DOT1L: variants seen among roughly 807,000 people sequenced by gnomAD.
DOT1L encodes the protein DOT1 like histone lysine methyltransferase.
DOT1L carries 33 observed loss-of-function variants against 153.3 expected under a neutral mutation model. The ratio of observed to expected loss-of-function variants is 0.22; its 90% CI spans 0.16 to 0.29. The LOEUF (loss-of-function observed/expected upper bound fraction) is 0.29. Ranked by LOEUF, DOT1L falls within the 10% of genes least tolerant of loss-of-function variation. The probability of loss-of-function intolerance (pLI) is 1.00; values close to 1 mark genes in which losing one functional copy is unlikely to be tolerated. For synonymous variants in DOT1L, 1,135 were observed against 965.1 expected, an observed-to-expected ratio of 1.18 and a Z score of -3.26; for missense variants, 1,847 against 2,119.9, an observed-to-expected ratio of 0.87 and a Z score of 2.53.
At chr19:2,206,489 T>G (rs1319592450) in intron 9 of DOT1L, among the ~76,000 whole-genome samples, 11 of 115,210 alleles carry the variant, frequency 9.5e-5, no homozygotes, top group African/African-American at 1.7e-4. Context: ...ACCAGGGAGG[T>G]GGAGGTTGCA....
At position 2,164,132 on chromosome 19, in the gene DOT1L, C is replaced by T. The variant is rs1276218003; in HGVS notation, c.-53C>T. 11 of 1,001,930 alleles carry T rather than the reference C, an allele frequency of 1.1e-5. No homozygotes were observed. Among genetic ancestry groups the T allele is most frequent in the Non-Finnish European group, 1.2e-5 (10 of 811,222 alleles). The allele number at this position is 1,001,930 out of a possible 1,614,324, so 62.1% of individuals were successfully genotyped here. ...GCCCTCCTCCGCCCACCGGCGGCCC[C>T]GCCCCTCCCCCAACCGCCCGCCTAG... On this transcript the variant is annotated 5_prime_UTR_variant, in exon 1 of 28. Transcript: ENST00000398665.
At position 2,191,953 on chromosome 19, in the gene DOT1L, C is replaced by T. The variant is rs916627018; in HGVS notation, c.493+713C>T. ...GAAGCACAGATGAGCGGCCCGTACA[C>T]GAACAGCCTCAGTAGCCTGACGAAT... On this transcript the variant is annotated intron_variant, in intron 5 of 27. Coordinates refer to ENST00000398665, the MANE Select transcript of DOT1L (RefSeq NM_032482.3). This position sits in a 1 kb window ranked among gnomAD's most constrained non-coding sequence, Gnocchi z 6.8. 5.3e-5 allele frequency among the ~76,000 whole-genome samples: 8 copies of T among 152,212 alleles called. No individual in the cohort carries two copies. The highest frequency in any genetic ancestry group is 8.8e-5 in the Non-Finnish European group (6 of 68,038).
At position 2,197,342 on chromosome 19, in the gene DOT1L, G is replaced by A. The variant is rs2144768583; in HGVS notation, c.652-2542G>A. Among the ~76,000 whole-genome samples, 1 of 152,360 alleles carries A rather than the reference G, an allele frequency of 6.6e-6. No individual in the cohort carries two copies. The highest frequency in any genetic ancestry group is 1.9e-4 in the East Asian group (1 of 5,188). On this transcript the variant is annotated intron_variant, in intron 7 of 27. Coordinates refer to ENST00000398665, the MANE Select transcript of DOT1L (RefSeq NM_032482.3). This position sits in a 1 kb window ranked among gnomAD's most constrained non-coding sequence, Gnocchi z 4.1. The stretch of plus-strand genomic sequence containing the variant: ...GAAGTTCCCACATGGGTTCCTGGCT[G>A]TGGCAGGCGAGCCACACAGATCCCA...
chr19:2,227,544 C>A, intron 27 of DOT1L: 1 of 609,776 alleles, frequency 1.6e-6, no homozygotes, highest in Non-Finnish European at 2.5e-6. Context: ...GGCCCTGGGG[C>A]TGCTGCGGGG....
At position 2,217,678 on chromosome 19, in the gene DOT1L, G is replaced by C; in HGVS notation, c.2545-94G>C. On this transcript the variant is annotated intron_variant, in intron 21 of 27. Transcript: ENST00000398665. The surrounding 1 kb of genome is among the most constrained non-coding windows in gnomAD (Gnocchi z 7.3). ...CTTGGCAGCGTGGGGGCCGCCTTGA[G>C]AGAGCTGTAGCAGGCCCCCGTCCTG... 6.7e-7 allele frequency: 1 copy of C among 1,503,064 alleles called. No homozygotes were observed. Among genetic ancestry groups the C allele is most frequent in the East Asian group, 2.5e-5 (1 of 40,438 alleles). 93.1% of individuals were successfully genotyped at this position (1,503,064 alleles called of 1,614,324 possible). A position where few individuals can be genotyped will look rare whatever the true frequency, so the allele number is the denominator to read the frequency against.
chr19:2,171,013 A>C (rs1409168890), intron 1 of DOT1L, among the ~76,000 whole-genome samples: 2 of 152,120 alleles, frequency 1.3e-5, no homozygotes, highest in Non-Finnish European at 2.9e-5. Flanking sequence ...CCCAGGCTGG[A>C]GTGCAGTGGC....
Position 2,231,258 on chromosome 19 carries a change from T to A in DOT1L, c.*1466T>A, listed in dbSNP as rs1003314591. Reference sequence around the variant, plus strand: ...GCCCACCTTCTCAAGTGCTTGCTCCTGTGAGATGGCATCGGGGAGCCCCTT... The same window carrying A: ...GCCCACCTTCTCAAGTGCTTGCTCCAGTGAGATGGCATCGGGGAGCCCCTT... On this transcript the variant is annotated 3_prime_UTR_variant, in exon 28 of 28. Coordinates refer to ENST00000398665, the MANE Select transcript of DOT1L (RefSeq NM_032482.3). The A allele has an allele frequency of 8.8e-6, 2 of 226,318 alleles. No individual in the cohort carries two copies. The highest frequency in any genetic ancestry group is 4.5e-5 in the African/African-American group (2 of 44,920). 14.0% of individuals were successfully genotyped at this position (226,318 alleles called of 1,614,324 possible). A position where few individuals can be genotyped will look rare whatever the true frequency, so the allele number is the denominator to read the frequency against.
chr19:2,225,307 T>C lies in DOT1L; in HGVS notation c.3597-81T>C. 3.6e-6 allele frequency: 5 copies of C among 1,397,762 alleles called. No homozygotes were observed. In the Admixed American group the frequency reaches 8.4e-5, roughly 23 times the overall value. 86.6% of individuals were successfully genotyped at this position (1,397,762 alleles called of 1,614,324 possible). ...CTCGTTCACCACCTCCGGAGCTCCC[T>C]GGGCTGTTGGCTGTCAGCATTTGTG... On this transcript the variant is annotated intron_variant, in intron 25 of 27. Coordinates refer to ENST00000398665, the MANE Select transcript of DOT1L (RefSeq NM_032482.3).
chr19:2,213,800 T>A, intron 17 of DOT1L, 49 bp from the exon 18 acceptor site: 1 of 1,609,750 alleles, frequency 6.2e-7, no homozygotes, highest in Non-Finnish European at 8.5e-7. Context: ...GGGGCTTACT[T>A]CACCTTGGAG....
intron 7 of DOT1L, among the ~76,000 whole-genome samples, chr19:2,199,606 C>A (rs542478347): frequency 5.9e-4 from 90 of 152,266 alleles, no homozygotes; most frequent in Non-Finnish European, 1.1e-3. Flanking sequence ...TTGGTGTGGC[C>A]GCAGTCCCCT....
At chr19:2,171,766 C>T (rs1056439035) in intron 1 of DOT1L, among the ~76,000 whole-genome samples, 1 of 152,204 alleles carries the variant, frequency 6.6e-6, no homozygotes. Context: ...CACTGTGTCC[C>T]CCTGAGGGAA....
At position 2,216,509 on chromosome 19, in the gene DOT1L, G is replaced by A. The variant is rs1480860930; in HGVS notation, c.2152G>A (p.Ala718Thr). The change falls in exon 20 of 28, where the codon GCT becomes ACT. Residue 718 changes from alanine (A) to threonine (T), a missense_variant. Transcript: ENST00000398665. Reference protein sequence around the residue: ...SPELSMNGQAAGYELCGVLSR... With the variant: ...SPELSMNGQATGYELCGVLSR... The stretch of plus-strand genomic sequence containing the variant: ...GGAGCTCTCCATGAACGGCCAGGCT[G>A]CTGGCTATGAGCTCTGCGGTGTGCT... The A allele has an allele frequency of 1.2e-6, 2 of 1,612,400 alleles. No homozygotes were observed. Among genetic ancestry groups the A allele is most frequent in the South Asian group, 1.1e-5 (1 of 91,082 alleles).
intron 7 of DOT1L, among the ~76,000 whole-genome samples, chr19:2,196,065 G>A (rs1265913144): frequency 1.3e-5 from 2 of 152,244 alleles, no homozygotes; most frequent in East Asian, 1.9e-4. Flanking sequence ...GGCCTTCCTC[G>A]GATCGCCGTG....
Position 2,211,228 on chromosome 19 carries a change from G to A in DOT1L, c.1465+16G>A. On this transcript the variant is annotated intron_variant, in intron 15 of 27. Transcript: ENST00000398665. ...AAGCTTCTAGGTGAGCCCGTGTGAG[G>A]CGTCCGGCGAAGGGTTCTGGGCTTG... The A allele has an allele frequency of 6.3e-7, 1 of 1,588,100 alleles. No individual in the cohort carries two copies.
Position 2,164,030 on chromosome 19 carries a change from C to T in DOT1L, c.-155C>T. The T allele has an allele frequency of 3.3e-6, 1 of 301,124 alleles. No individual in the cohort carries two copies. The highest frequency in any genetic ancestry group is 1.2e-4 in the South Asian group (1 of 8,056). The allele number at this position is 301,124 out of a possible 1,614,324, so 18.7% of individuals were successfully genotyped here. ...AGTCGGGGGCCGGGCCGGACCGGAG[C>T]GCGGCGGCGGCGGCGGCGGCGGCCG... On this transcript the variant is annotated 5_prime_UTR_variant, in exon 1 of 28. Coordinates refer to ENST00000398665, the MANE Select transcript of DOT1L (RefSeq NM_032482.3).
Position 2,223,310 on chromosome 19 carries a change from T to A in DOT1L, c.3420T>A (p.Ile1140=). Residue 1140 remains isoleucine (I), a synonymous_variant, in exon 25 of 28, where the codon ATT becomes ATA. Transcript: ENST00000398665. ...MVSNINQPLE[I]TAISSPETSL... Reference sequence around the variant, plus strand: ...GTAACATCAACCAGCCCCTGGAGATTACAGCCATCTCGTCCCCGGAGACCT... The same window carrying A: ...GTAACATCAACCAGCCCCTGGAGATAACAGCCATCTCGTCCCCGGAGACCT... 6.2e-7 allele frequency: 1 copy of A among 1,613,646 alleles called. No individual in the cohort carries two copies. The highest frequency in any genetic ancestry group is 8.5e-7 in the Non-Finnish European group (1 of 1,179,958).
In DOT1L at chr19:2,227,214, C is replaced by T. The variant is rs375367280; in HGVS notation, c.4606+87C>T. 4 of 1,521,556 alleles carry T rather than the reference C, an allele frequency of 2.6e-6. No homozygotes were observed. The South Asian group carries it at 4.5e-5, about 17-fold the overall frequency. The allele number at this position is 1,521,556 out of a possible 1,614,324, so 94.3% of individuals were successfully genotyped here. A position where few individuals can be genotyped will look rare whatever the true frequency, so the allele number is the denominator to read the frequency against. On this transcript the variant is annotated intron_variant, in intron 27 of 27. Transcript: ENST00000398665. ...GCAGGTTCCCTTCCGCACTCTCTTG[C>T]AGCAGGAGCTGAGCTGCAGGTCCCC...
In DOT1L at chr19:2,227,529, G is replaced by A. The variant is rs1042324886; in HGVS notation, c.4606+402G>A. Reference sequence around the variant, plus strand: ...GCGGAGAGGAGCCGCCGGGGGGAGCGGCCTGGCCCTGGGGCTGCTGCGGGG... The same window carrying A: ...GCGGAGAGGAGCCGCCGGGGGGAGCAGCCTGGCCCTGGGGCTGCTGCGGGG... On this transcript the variant is annotated intron_variant, in intron 27 of 27. Transcript: ENST00000398665. 2.2e-5 allele frequency: 12 copies of A among 551,972 alleles called. No homozygotes were observed. In the African/African-American group the frequency reaches 2.2e-4, roughly 10 times the overall value. The allele number at this position is 551,972 out of a possible 1,614,324, so 34.2% of individuals were successfully genotyped here. A position where few individuals can be genotyped will look rare whatever the true frequency, so the allele number is the denominator to read the frequency against.
At position 2,210,391 on chromosome 19, in the gene DOT1L, T is replaced by C; in HGVS notation, c.1006-9T>C. The C allele has an allele frequency of 2.0e-6, 3 of 1,521,712 alleles. No individual in the cohort carries two copies. The highest frequency in any genetic ancestry group is 2.6e-6 in the Non-Finnish European group (3 of 1,136,128). 94.3% of individuals were successfully genotyped at this position (1,521,712 alleles called of 1,614,324 possible). A position where few individuals can be genotyped will look rare whatever the true frequency, so the allele number is the denominator to read the frequency against. ...GGGCTTCCTGTGGCTCAACCTGCTC[T>C]CCTTCCAGGAGGAACAGGAGGCAGC... On this transcript the variant is annotated splice_polypyrimidine_tract_variant and intron_variant, in intron 12 of 27. Coordinates refer to ENST00000398665, the MANE Select transcript of DOT1L (RefSeq NM_032482.3).
Sources: allele counts gnomAD v4.1 joint callset (sites outside exome capture counted in the v4.1 genomes callset), GRCh38; gene constraint gnomAD v4.1.1; non-coding constraint Gnocchi (gnomAD v3.1); transcripts MANE v1.5; gene names NCBI Gene and HGNC (gene_info 2026-07-23, HGNC 2026-07-21).